The following MOXD1 variants were observed in gnomAD, a reference collection of about 807,000 sequenced individuals.
MOXD1 encodes the protein monooxygenase DBH like 1.
In MOXD1, 62 loss-of-function variants were observed where a neutral mutation model predicts 66.6. The observed-to-expected ratio is 0.93, with a 90% CI of 0.76 to 1.15. MOXD1 has a LOEUF of 1.15. Among genes scored for constraint, MOXD1 ranks in the 50% most tolerant of loss-of-function variants. The pLI, the probability that MOXD1 is intolerant of heterozygous loss-of-function variation, is 0.00. For missense variants in MOXD1, 847 were observed against 754.6 expected (o/e 1.12, Z -1.44); for synonymous variants, 303 against 281.9 (o/e 1.07, Z -0.75).
intron 10 of MOXD1, among the ~76,000 whole-genome samples, chr6:132,299,315 T>C (rs1421247115): frequency 6.6e-6 from 1 of 152,122 alleles, no homozygotes; most frequent in Non-Finnish European, 1.5e-5. Context: ...AAAAACTACC[T>C]GTTGGGTGCC....
intron 1 of MOXD1, among the ~76,000 whole-genome samples, chr6:132,400,379 TA>T (rs1296779800): frequency 6.6e-6 from 1 of 152,154 alleles, no homozygotes; most frequent in Non-Finnish European, 1.5e-5. Context: ...CCTAGCCACC[TA>T]ATCATTCTGG....
intron 1 of MOXD1, among the ~76,000 whole-genome samples, chr6:132,393,024 G>A (rs1224619137): frequency 6.6e-6 from 1 of 152,150 alleles, no homozygotes; most frequent in Non-Finnish European, 1.5e-5. Context: ...CTGAATTAAT[G>A]ATTGCCAGCT....
intron 4 of MOXD1, among the ~76,000 whole-genome samples, chr6:132,338,465 G>C (rs567037401): frequency 6.6e-6 from 1 of 152,138 alleles, no homozygotes; most frequent in Non-Finnish European, 1.5e-5. Context: ...TATGGAGATG[G>C]GGATGTCCAG....
chr6:132,401,130 G>T (rs1198622281), intron 1 of MOXD1, 33 bp downstream of exon 1: 11 of 1,466,474 alleles, frequency 7.5e-6, no homozygotes, highest in Non-Finnish European at 9.9e-6. Flanking sequence ...GACCGGGCTC[G>T]GCCGGGCGGG....
At chr6:132,399,189 A>G (rs1036131360) in intron 1 of MOXD1, among the ~76,000 whole-genome samples, 17 of 152,304 alleles carry the variant, frequency 1.1e-4, no homozygotes, top group African/African-American at 3.1e-4. Context: ...CATTTAATTG[A>G]ATAGCATAAT....
intron 1 of MOXD1, among the ~76,000 whole-genome samples, chr6:132,381,080 T>C (rs1776499115): frequency 6.6e-6 from 1 of 152,236 alleles, no homozygotes; most frequent in Non-Finnish European, 1.5e-5. Flanking sequence ...TCAGAAGGTT[T>C]TCTGATGTTA....
At chr6:132,391,309 T>A (rs1162703972) in intron 1 of MOXD1, 1 of 152,148 alleles carries the variant, frequency 6.6e-6, no homozygotes. Flanking sequence ...ATAAATTAAA[T>A]CTGATCTATA....
chr6:132,298,923 A>G (rs1016638920), intron 10 of MOXD1, among the ~76,000 whole-genome samples: 1 of 152,188 alleles, frequency 6.6e-6, no homozygotes, highest in Non-Finnish European at 1.5e-5. Context: ...ATTACTAGCT[A>G]TACACCCAAA....
At chr6:132,400,578 T>G (rs185292581) in intron 1 of MOXD1, among the ~76,000 whole-genome samples, 2 of 152,248 alleles carry the variant, frequency 1.3e-5, no homozygotes, top group African/African-American at 4.8e-5. Flanking sequence ...CCTTCGATTT[T>G]GGTCTCTAAA....
intron 1 of MOXD1, among the ~76,000 whole-genome samples, chr6:132,392,980 C>T (rs1020312228): frequency 6.6e-6 from 1 of 152,232 alleles, no homozygotes; most frequent in African/African-American, 2.4e-5. Flanking sequence ...AAATGTCACA[C>T]TGCCCTCTGG....
chr6:132,306,839 C>G (rs1467998697), intron 10 of MOXD1, among the ~76,000 whole-genome samples: 1 of 152,134 alleles, frequency 6.6e-6, no homozygotes, highest in Non-Finnish European at 1.5e-5. Flanking sequence ...ACCAGGCCTG[C>G]CCTGGAAGAG....
chr6:132,390,728 T>G (rs1467300017), intron 1 of MOXD1: 1 of 151,520 alleles, frequency 6.6e-6, no homozygotes. Flanking sequence ...ACCTACAAAA[T>G]GAGAGTAATA....
Position 132,389,408 on chromosome 6 carries a change from C to T in MOXD1, c.264+11755G>A, listed in dbSNP as rs573881200. Among the ~76,000 whole-genome samples, 21 of 151,478 alleles carry T rather than the reference C, an allele frequency of 1.4e-4. 2 individuals carry two copies. The highest frequency in any genetic ancestry group is 3.1e-4 in the Non-Finnish European group (21 of 67,730). Reference sequence around the variant, plus strand: ...TTTGTATCCCCATGTCCTATGTCTGCAATTTTCCATGCTTCTGCAGGTTGA... The same window carrying T: ...TTTGTATCCCCATGTCCTATGTCTGTAATTTTCCATGCTTCTGCAGGTTGA... On this transcript the variant is annotated intron_variant, in intron 1 of 11. Transcript: ENST00000367963.
intron 1 of MOXD1, among the ~76,000 whole-genome samples, chr6:132,386,433 CAAAAAAAAAAAACAA>C (rs1582609373): frequency 1.5e-5 from 1 of 65,108 alleles, no homozygotes; most frequent in African/African-American, 5.1e-5. Context: ...CAAAACAAAA[CAAAAAAAAAAAACAA>C]AAAAAAAACG....
chr6:132,349,912 G>C (rs925074831), intron 4 of MOXD1, among the ~76,000 whole-genome samples: 4 of 152,072 alleles, frequency 2.6e-5, no homozygotes, highest in African/African-American at 9.7e-5. Context: ...TTGGCTATTT[G>C]TATATCTTCC....
intron 7 of MOXD1, among the ~76,000 whole-genome samples, chr6:132,323,526 G>A (rs2114573686): frequency 6.6e-6 from 1 of 151,780 alleles, no homozygotes; most frequent in African/African-American, 2.4e-5. Context: ...AGTTATTTTT[G>A]CTCTGTGGTG....
chr6:132,393,268 C>G (rs959028514), intron 1 of MOXD1, among the ~76,000 whole-genome samples: 3 of 152,112 alleles, frequency 2.0e-5, no homozygotes, highest in Non-Finnish European at 2.9e-5. Flanking sequence ...AGACAGGAAG[C>G]TTCAAGATGG....
intron 4 of MOXD1, among the ~76,000 whole-genome samples, chr6:132,336,885 G>A (rs1439078760): frequency 6.6e-6 from 1 of 152,144 alleles, no homozygotes; most frequent in Non-Finnish European, 1.5e-5. Flanking sequence ...GTAAGTTCAG[G>A]GAAGGGTGCC....
chr6:132,373,810 T>C (rs1776318611), intron 2 of MOXD1, among the ~76,000 whole-genome samples: 1 of 152,256 alleles, frequency 6.6e-6, no homozygotes, highest in Admixed American at 6.5e-5. Context: ...ATTTTAAATG[T>C]TCTCTTTGCT....
Sources: allele counts gnomAD v4.1 joint callset (sites outside exome capture counted in the v4.1 genomes callset), GRCh38; gene constraint gnomAD v4.1.1; transcripts MANE v1.5; gene names NCBI Gene and HGNC (gene_info 2026-07-23, HGNC 2026-07-21).